The following FLNA variants were observed in gnomAD, a reference collection of about 807,000 sequenced individuals.
FLNA encodes filamin A.
In FLNA, 7 loss-of-function variants were observed where a neutral mutation model predicts 157.6. The ratio of observed to expected loss-of-function variants is 0.04; its 90% CI spans 0.03 to 0.08. The LOEUF is 0.08. Among genes scored for constraint, FLNA ranks in the 10% least tolerant of loss-of-function variants. FLNA has a pLI of 1.00. For missense variants in FLNA, 1,750 were observed against 2,398.4 expected, an observed-to-expected ratio of 0.73 and a Z score of 5.65; for synonymous variants, 1,103 against 1,060.8, an observed-to-expected ratio of 1.04 and a Z score of -0.77.
At chrX:154,349,590 A>G (rs2067603178) in intron 46 of FLNA, 25 bp from the exon 47 acceptor site, 4 of 1,209,503 alleles carry the variant, frequency 3.3e-6, no homozygotes, top group East Asian at 3.0e-5. Context: ...GGGTGGGGCT[A>G]AGAGGTGGCT....
At chrX:154,371,609 A>G (rs2067809487) in intron 1 of FLNA, among the ~76,000 whole-genome samples, 1 of 113,164 alleles carries the variant, frequency 8.8e-6, no homozygotes, top group Non-Finnish European at 1.9e-5. Flanking sequence ...TTGGCGCTGC[A>G]GGAAACGCGC....
In FLNA at chrX:154,351,896, C is replaced by T. The variant is rs1377678834; in HGVS notation, c.6895G>A (p.Val2299Ile). The T allele has an allele frequency of 8.3e-7, 1 of 1,209,956 alleles. No individual in the cohort carries two copies. The highest frequency in any genetic ancestry group is 1.1e-6 in the Non-Finnish European group (1 of 895,101). ...GGGTTCCCAGTACCTGGCTCCTGGA[C>T]CACATAAGCCACACCACAGGAGCCG... ...KDGSCGVAYV[V>I]QEPGDYEVSV... Residue 2299 changes from valine to isoleucine, a missense_variant, in exon 42 of 48, where the codon GTC becomes ATC. Val to Ile is a conservative substitution (Grantham distance 29, BLOSUM62 3). Coordinates refer to ENST00000369850, the MANE Select transcript of FLNA (RefSeq NM_001110556.2).
chrX:154,360,438 A>G lies in FLNA; in HGVS notation c.3357T>C (p.Asp1119=). Residue 1119 remains aspartate (D), a synonymous_variant, in exon 22 of 48, where the codon GAT becomes GAC. Coordinates refer to ENST00000369850, the MANE Select transcript of FLNA (RefSeq NM_001110556.2). ...EAQLECLDNG[D]GTCSVSYVPT... ...GCACGTAGGACACGGAACATGTGCC[A>G]TCCCCATTGTCCAAGCACTCGAGCT... The G allele has an allele frequency of 8.3e-7, 1 of 1,211,630 alleles. No homozygotes were observed. Among genetic ancestry groups the G allele is most frequent in the Non-Finnish European group, 1.1e-6 (1 of 895,577 alleles).
At position 154,354,282 on chromosome X, in the gene FLNA, C is replaced by T. The variant is rs782134110; in HGVS notation, c.5426G>A (p.Arg1809Gln). The change falls in exon 34 of 48, where the codon CGG (arginine) becomes CAG (glutamine). Residue 1809 changes from arginine (R) to glutamine (Q), a missense_variant. Around this residue, in one of 5 missense-constraint regions of FLNA, gnomAD observed 970 missense variants for 1,302.6 expected, o/e 0.74. Coordinates refer to ENST00000369850, the MANE Select transcript of FLNA (RefSeq NM_001110556.2). The stretch of plus-strand genomic sequence containing the variant: ...CTGCGCCACCTTGCCTGAGGGCATC[C>T]GAACCTCCCCTGTGGGGCAGTGGGG... Reference protein sequence around the residue: ...IKKGEITGEVRMPSGKVAQPT... With the variant: ...IKKGEITGEVQMPSGKVAQPT... 7.4e-6 allele frequency: 9 copies of T among 1,211,838 alleles called. No homozygotes were observed. Among genetic ancestry groups the T allele is most frequent in the Admixed American group, 2.2e-5 (1 of 46,157 alleles).
Position 154,362,703 on chromosome X carries a change from C to T in FLNA, c.2362G>A (p.Glu788Lys), listed in dbSNP as rs911403388. The stretch of plus-strand genomic sequence containing the variant: ...CAGTCCACAGTGAAGTAGGTGGGCT[C>T]GTGGGCCTTGAGCCCTGTCTTGGCT... ...GVAKTGLKAHEPTYFTVDCAE... is the reference protein window; with the variant it reads ...GVAKTGLKAHKPTYFTVDCAE... The change falls in exon 16 of 48, where the codon GAG becomes AAG. Residue 788 changes from glutamate (E) to lysine (K), a missense_variant. Physicochemically the swap from Glu to Lys is moderately conservative, Grantham distance 56. Coordinates refer to ENST00000369850, the MANE Select transcript of FLNA (RefSeq NM_001110556.2). 3 of 1,210,501 alleles carry T rather than the reference C, an allele frequency of 2.5e-6. No individual in the cohort carries two copies. Among genetic ancestry groups the T allele is most frequent in the South Asian group, 1.8e-5 (1 of 56,889 alleles).
chrX:154,368,544 C>T (rs1271603787), intron 2 of FLNA, among the ~76,000 whole-genome samples: 1 of 111,205 alleles, frequency 9.0e-6, no homozygotes, highest in Non-Finnish European at 1.9e-5. Context: ...TGGAGTGGGG[C>T]TGGGGCTGAG....
Position 154,364,601 on chromosome X carries a change from G to T in FLNA, c.1947C>A (p.Cys649Ter). 1 of 1,211,067 alleles carries T rather than the reference G, an allele frequency of 8.3e-7. No individual in the cohort carries two copies. The highest frequency in any genetic ancestry group is 1.1e-6 in the Non-Finnish European group (1 of 895,376). ...GGCTGAGGCGGATGTCTTCGCTGTT[G>T]CACAGCACGTGAACGGCATACTCGC... ...EAGEYAVHVL[C>*]NSEDIRLSPF... The change falls in exon 13 of 48, where the codon TGC (cysteine) becomes TGA (stop). Residue 649 changes from cysteine (C) to a stop codon, truncating the protein, a stop_gained. Transcript: ENST00000369850. LOFTEE classifies it high-confidence loss of function.
At position 154,366,404 on chromosome X, in the gene FLNA, G is replaced by C; in HGVS notation, c.1132C>G (p.Gln378Glu). 8.3e-7 allele frequency: 1 copy of C among 1,211,998 alleles called. No individual in the cohort carries two copies. Among genetic ancestry groups the C allele is most frequent in the Non-Finnish European group, 1.1e-6 (1 of 895,446 alleles). Residue 378 changes from glutamine (Q) to glutamate (E), a missense_variant, in exon 8 of 48, where the codon CAG becomes GAG. Coordinates refer to ENST00000369850, the MANE Select transcript of FLNA (RefSeq NM_001110556.2). ...SPFEVYVDKSQGDASKVTAQG... is the reference protein window; with the variant it reads ...SPFEVYVDKSEGDASKVTAQG... ...GCTGTCACTTTGCTGGCGTCACCCT[G>C]TGACTTATCCACGTACACCTCGAAG... is the stretch of plus-strand genomic sequence containing the variant.
intron 47 of FLNA, 97 bp downstream of exon 47, chrX:154,349,265 G>C: frequency 1.1e-6 from 1 of 951,423 alleles, no homozygotes; most frequent in Non-Finnish European, 1.5e-6. Flanking sequence ...TGAAAGCCAC[G>C]CCCCAAAGGC....
In FLNA at chrX:154,361,581, G is replaced by A. The variant is rs782670720; in HGVS notation, c.2945-11C>T. On this transcript the variant is annotated splice_polypyrimidine_tract_variant and intron_variant, in intron 20 of 47. Transcript: ENST00000369850. ...TGCCAACGTCCACCTCTGTGGAAAC[G>A]ATGAAAGGAAGGAGAGAGACATGAC... 17 of 1,209,564 alleles carry A rather than the reference G, an allele frequency of 1.4e-5. No homozygotes were observed. Among genetic ancestry groups the A allele is most frequent in the Non-Finnish European group, 1.8e-5 (16 of 894,886 alleles).
At chrX:154,369,953 T>C (rs1167442351) in intron 2 of FLNA, among the ~76,000 whole-genome samples, 5 of 111,595 alleles carry the variant, frequency 4.5e-5, no homozygotes, top group African/African-American at 1.6e-4. Context: ...AAGAGAAGAC[T>C]CATCATCCCT....
At chrX:154,373,869 A>G (rs1309782988) in intron 1 of FLNA, among the ~76,000 whole-genome samples, 1 of 113,179 alleles carries the variant, frequency 8.8e-6, no homozygotes, top group African/African-American at 3.2e-5. Context: ...GCCTGGCCCC[A>G]GGTGGCACGG....
chrX:154,361,193 A>AG (rs2067708212), intron 21 of FLNA, 115 bp downstream of exon 21: 2 of 690,235 alleles, frequency 2.9e-6, no homozygotes, highest in Non-Finnish European at 4.2e-6. Context: ...AGTCTGTCTC[A>AG]GGAAAAAAAA....
chrX:154,357,779 G>A (rs1377698957), intron 28 of FLNA, among the ~76,000 whole-genome samples, 156 bp from the exon 29 acceptor site: 1 of 112,599 alleles, frequency 8.9e-6, no homozygotes, highest in East Asian at 2.8e-4. Context: ...GCCTGCACCT[G>A]GCAGAGTCCA....
In FLNA at chrX:154,362,597, C is replaced by T. The variant is rs970755638; in HGVS notation, c.2405-19G>A. 4 of 1,210,796 alleles carry T rather than the reference C, an allele frequency of 3.3e-6. No homozygotes were observed. The highest frequency in any genetic ancestry group is 1.8e-5 in the South Asian group (1 of 57,008). ...ACGTCCCCTGCGGCGGGGAGAGGAG[C>T]GGAGGCTGAGACCTCGCAGGGACAC... On this transcript the variant is annotated intron_variant, in intron 16 of 47. Coordinates refer to ENST00000369850, the MANE Select transcript of FLNA (RefSeq NM_001110556.2).
Position 154,371,288 on chromosome X carries a change from C to A in FLNA, c.-43G>T. The stretch of plus-strand genomic sequence containing the variant: ...CGGGGGGGCGGTGCTGCAGCCTCGG[C>A]GAGGGGACGGCCCTTTAATTAAAGT... On this transcript the variant is annotated 5_prime_UTR_variant, in exon 2 of 48. Coordinates refer to ENST00000369850, the MANE Select transcript of FLNA (RefSeq NM_001110556.2). The A allele has an allele frequency of 8.4e-7, 1 of 1,186,597 alleles. No homozygotes were observed. The highest frequency in any genetic ancestry group is 1.1e-6 in the Non-Finnish European group (1 of 886,980).
chrX:154,361,423 A>G lies in FLNA; in HGVS notation c.3092T>C (p.Val1031Ala), dbSNP rs782663281. ...CCCTTCCTCACGGGGCAGGAAGCGC[A>G]CCACACTGTTGTCAGCCCCCAGGCC... ...EPGLGADNSV[V>A]RFLPREEGPY... Residue 1031 changes from valine to alanine, a missense_variant, in exon 21 of 48, where the codon GTG (valine) becomes GCG (alanine). Val to Ala is a moderately conservative substitution (Grantham distance 64). Coordinates refer to ENST00000369850, the MANE Select transcript of FLNA (RefSeq NM_001110556.2). 8.3e-7 allele frequency: 1 copy of G among 1,208,624 alleles called. No homozygotes were observed. The highest frequency in any genetic ancestry group is 1.8e-5 in the African/African-American group (1 of 56,840).
In FLNA at chrX:154,353,678, G is replaced by A. The variant is rs1557176263; in HGVS notation, c.5736C>T (p.Cys1912=). 1.7e-6 allele frequency: 2 copies of A among 1,210,550 alleles called. No homozygotes were observed. The highest frequency in any genetic ancestry group is 2.2e-6 in the Non-Finnish European group (2 of 895,181). Reference sequence around the variant, plus strand: ...TGCATGTCCCATCCTGGTTGTCAGTGCAGCTGATTTCTGCTTTGGACGGGC... The same window carrying A: ...TGCATGTCCCATCCTGGTTGTCAGTACAGCTGATTTCTGCTTTGGACGGGC... ...IEGPSKAEIS[C]TDNQDGTCSV... Residue 1912 remains cysteine (C), a synonymous_variant, in exon 36 of 48, where the codon TGC becomes TGT. Transcript: ENST00000369850.
intron 43 of FLNA, 198 bp downstream of exon 43, chrX:154,351,383 C>T: frequency 1.1e-5 from 5 of 444,353 alleles, no homozygotes; most frequent in East Asian, 7.4e-5. Flanking sequence ...ACCTGAGACA[C>T]GAGAAAAACT....
Sources: gnomAD v4.1 joint callset for allele counts (sites outside exome capture counted in the v4.1 genomes callset) on GRCh38, gnomAD v4.1.1 for gene constraint, gnomAD v4.1.1 regional missense constraint, MANE v1.5 for transcripts, NCBI Gene and HGNC (gene_info 2026-07-23, HGNC 2026-07-21) for gene names.